The following FAT3 variants were observed in gnomAD, a reference collection of about 807,000 sequenced individuals.
FAT3 encodes protocadherin Fat 3.
FAT3 carries 95 observed loss-of-function variants against 310.2 expected under a neutral mutation model. The ratio of observed to expected loss-of-function variants is 0.31; its 90% CI spans 0.26 to 0.36. The LOEUF is 0.36. Ranked by LOEUF, FAT3 falls within the 10% of genes least tolerant of loss-of-function variation. The pLI is 1.00. For missense variants in FAT3, 5,408 were observed against 5,715.6 expected, an observed-to-expected ratio of 0.95 and a Z score of 1.74; for synonymous variants, 2,314 against 2,192.9, an observed-to-expected ratio of 1.06 and a Z score of -1.54.
intron 6 of FAT3, 52 bp downstream of exon 6, chr11:92,765,141 G>C: frequency 4.3e-6 from 5 of 1,150,930 alleles, no homozygotes; most frequent in South Asian, 4.3e-5. Flanking sequence ...ATTGACTGAA[G>C]CAACTAGGAA....
chr11:92,413,579 C>T (rs1202143215), intron 2 of FAT3, among the ~76,000 whole-genome samples: 1 of 152,148 alleles, frequency 6.6e-6, no homozygotes, highest in Non-Finnish European at 1.5e-5. Flanking sequence ...GTTTTGAGAG[C>T]TTCCTCTGTC....
intron 3 of FAT3, among the ~76,000 whole-genome samples, chr11:92,549,503 A>T (rs1954728505): frequency 6.6e-6 from 1 of 152,224 alleles, no homozygotes; most frequent in Non-Finnish European, 1.5e-5. Context: ...AAGATGGATT[A>T]TGCAGTGAGA....
At chr11:92,686,286 A>C (rs1477444988) in intron 3 of FAT3, among the ~76,000 whole-genome samples, 1 of 152,326 alleles carries the variant, frequency 6.6e-6, no homozygotes, top group East Asian at 1.9e-4. Context: ...GGTTAATGCT[A>C]ATATTAGCAT....
chr11:92,631,129 G>T (rs577877490), intron 3 of FAT3, among the ~76,000 whole-genome samples: 1 of 152,314 alleles, frequency 6.6e-6, no homozygotes, highest in African/African-American at 2.4e-5. Context: ...CACACTGAGA[G>T]GGTGGCTATT....
At chr11:92,476,190 G>T (rs529537339) in intron 2 of FAT3, among the ~76,000 whole-genome samples, 1 of 152,008 alleles carries the variant, frequency 6.6e-6, no homozygotes, top group Non-Finnish European at 1.5e-5. Context: ...CTTGGGATAC[G>T]CATATCAAGA....
At chr11:92,701,693 C>G (rs1420096318) in intron 4 of FAT3, among the ~76,000 whole-genome samples, 1 of 152,178 alleles carries the variant, frequency 6.6e-6, no homozygotes, top group Non-Finnish European at 1.5e-5. Context: ...CTAATTCCAG[C>G]ATACAGATGC....
intron 13 of FAT3, among the ~76,000 whole-genome samples, chr11:92,827,142 A>G (rs901968396): frequency 9.9e-5 from 15 of 152,206 alleles, no homozygotes; most frequent in Non-Finnish European, 1.9e-4. Flanking sequence ...TTTCTCACTG[A>G]AGTGTAAGGA....
At chr11:92,846,687 C>T (rs1445237563) in intron 19 of FAT3, among the ~76,000 whole-genome samples, 1 of 152,186 alleles carries the variant, frequency 6.6e-6, no homozygotes, top group African/African-American at 2.4e-5. Context: ...GTTCTCTAGT[C>T]TCCATAAACC....
In FAT3 at chr11:92,883,260, T is replaced by A. The variant is rs375562745; in HGVS notation, c.12804T>A (p.Pro4268=). 23 of 1,612,720 alleles carry A rather than the reference T, an allele frequency of 1.4e-5. No homozygotes were observed. Among genetic ancestry groups the A allele is most frequent in the Non-Finnish European group, 1.8e-5 (21 of 1,179,830 alleles). The change falls in exon 24 of 28, where the codon CCT becomes CCA. Residue 4268 remains proline (P), a synonymous_variant. Transcript: ENST00000525166. The surrounding 1 kb of genome is among the most constrained non-coding windows in gnomAD (Gnocchi z 4.2). ...ACCAGGAAATGACCACGTTTCACCC[T>A]GAGTCGCCCCGCATCCTGACAGCCC... ...GEHQEMTTFH[P]ESPRILTARR... is the part of the protein sequence containing the mutation.
At chr11:92,329,201 G>A (rs1443708625) in intron 1 of FAT3, among the ~76,000 whole-genome samples, 1 of 151,388 alleles carries the variant, frequency 6.6e-6, no homozygotes, top group African/African-American at 2.4e-5. Flanking sequence ...ACCTCATGTT[G>A]AAATTTGATC....
At chr11:92,666,751 T>C (rs988859088) in intron 3 of FAT3, among the ~76,000 whole-genome samples, 2 of 151,914 alleles carry the variant, frequency 1.3e-5, no homozygotes, top group African/African-American at 4.8e-5. Context: ...CATAGCACTG[T>C]GGTGGGTGAA....
intron 6 of FAT3, 88 bp from the exon 7 acceptor site, chr11:92,773,953 G>C: frequency 2.0e-6 from 3 of 1,482,996 alleles, no homozygotes; most frequent in Non-Finnish European, 2.7e-6. Flanking sequence ...AAAAATTTCT[G>C]TATAAGAGCT....
chr11:92,355,110 T>G lies in FAT3; in HGVS notation c.2998T>G (p.Tyr1000Asp). 2 of 1,613,772 alleles carry G rather than the reference T, an allele frequency of 1.2e-6. No homozygotes were observed. The highest frequency in any genetic ancestry group is 1.7e-6 in the Non-Finnish European group (2 of 1,179,844). ...CATCCGCTTGAGCAAAGAGCTTGAT[T>G]ATGAGAAACAGCAGTTCTATAACCT... ...GAIRLSKELD[Y>D]EKQQFYNLTV... The change falls in exon 2 of 28, where the codon TAT (tyrosine) becomes GAT (aspartate). Residue 1000 changes from tyrosine (Y) to aspartate (D), a missense_variant. Tyr to Asp is a radical substitution (Grantham distance 160). This residue lies in a region of FAT3 where 4,588 missense variants were observed against 4,809.8 expected (regional missense o/e 0.95). Coordinates refer to ENST00000525166, the MANE Select transcript of FAT3 (RefSeq NM_001367949.2).
At chr11:92,566,172 A>G (rs955699895) in intron 3 of FAT3, among the ~76,000 whole-genome samples, 3 of 152,190 alleles carry the variant, frequency 2.0e-5, no homozygotes, top group Non-Finnish European at 2.9e-5. Context: ...TAAGCTGATA[A>G]GCAACTTCAG....
rs1310965584 is a variant in FAT3 at position 92,765,190 on chromosome 11, G to C, written c.4195+101G>C. On this transcript the variant is annotated intron_variant, in intron 6 of 27. Transcript: ENST00000525166. ...AAAGAAAGCAAAAAACTAACAATTA[G>C]TGCCAAGATTAAAAGATGTATAGTG... is the stretch of plus-strand genomic sequence containing the variant. The C allele has an allele frequency of 1.1e-5, 11 of 1,012,498 alleles. 1 individual carries two copies. The East Asian group carries it at 2.9e-4, about 26-fold the overall frequency. The allele number at this position is 1,012,498 out of a possible 1,614,324, so 62.7% of individuals were successfully genotyped here.
chr11:92,430,750 A>G lies in FAT3; in HGVS notation c.3292+75346A>G, dbSNP rs1479066207. 6.3e-5 allele frequency among the ~76,000 whole-genome samples: 7 copies of G among 111,840 alleles called. No individual in the cohort carries two copies. In the East Asian group the frequency reaches 2.1e-3, roughly 34 times the overall value. The allele number at this position is 111,840 out of a possible 152,430, so 73.4% of individuals were successfully genotyped here. A position where few individuals can be genotyped will look rare whatever the true frequency, so the allele number is the denominator to read the frequency against. The stretch of plus-strand genomic sequence containing the variant: ...TGTTCAATTCCCACCTATGAGTGAG[A>G]ACATGCGATGTTTGGTTTTTTGTCC... On this transcript the variant is annotated intron_variant, in intron 2 of 27. Coordinates refer to ENST00000525166, the MANE Select transcript of FAT3 (RefSeq NM_001367949.2).
intron 3 of FAT3, among the ~76,000 whole-genome samples, chr11:92,643,584 A>T (rs1430489826): frequency 6.6e-6 from 1 of 152,196 alleles, no homozygotes; most frequent in Non-Finnish European, 1.5e-5. Flanking sequence ...GAGGGTAAAG[A>T]TACACTGTAA....
intron 1 of FAT3, among the ~76,000 whole-genome samples, chr11:92,267,349 C>G (rs1355333647): frequency 6.6e-6 from 1 of 152,048 alleles, no homozygotes; most frequent in Admixed American, 6.6e-5. Flanking sequence ...TCCCAGAAAT[C>G]TAATTAGGTA....
intron 2 of FAT3, chr11:92,366,955 A>G: frequency 1.9e-6 from 1 of 528,424 alleles, no homozygotes; most frequent in Non-Finnish European, 3.8e-6. Context: ...TTTCTGCTTT[A>G]TTGACTCTGG....
Sources: allele counts gnomAD v4.1 joint callset (sites outside exome capture counted in the v4.1 genomes callset), GRCh38; gene constraint gnomAD v4.1.1; regional missense constraint gnomAD v4.1.1; non-coding constraint Gnocchi (gnomAD v3.1); transcripts MANE v1.5; gene names NCBI Gene and HGNC (gene_info 2026-07-23, HGNC 2026-07-21).